PKP4: variants seen among roughly 807,000 people sequenced by gnomAD.
The protein encoded by PKP4 is plakophilin 4.
Under a neutral mutation model 145.1 loss-of-function variants are expected in PKP4, and 90 were observed. The ratio of observed to expected loss-of-function variants is 0.62; its 90% CI spans 0.52 to 0.74. PKP4 has a LOEUF of 0.74. Ranked by LOEUF, PKP4 falls within the 30% of genes least tolerant of loss-of-function variation. PKP4 has a pLI of 0.00. For missense variants in PKP4, 1,340 were observed against 1,482.7 expected (o/e 0.90, Z 1.58); for synonymous variants, 563 against 577.2 (o/e 0.98, Z 0.35).
At chr2:158,650,730 G>A (rs929566005) in intron 11 of PKP4, among the ~76,000 whole-genome samples, 1 of 152,230 alleles carries the variant, frequency 6.6e-6, no homozygotes, top group African/African-American at 2.4e-5. Context: ...AGATGGTGGT[G>A]TTCCGAGCAC....
At chr2:158,500,918 T>C (rs1331852748) in intron 1 of PKP4, among the ~76,000 whole-genome samples, 1 of 152,146 alleles carries the variant, frequency 6.6e-6, no homozygotes, top group Non-Finnish European at 1.5e-5. Flanking sequence ...ATGCCCAGCC[T>C]CCCTGCTTTT....
chr2:158,578,229 C>A, intron 3 of PKP4: 1 of 234,560 alleles, frequency 4.3e-6, no homozygotes, highest in Non-Finnish European at 9.3e-6. Context: ...TCTGTTGTTT[C>A]TGATTGTTGG....
At chr2:158,653,845 A>G (rs1459719728) in intron 11 of PKP4, among the ~76,000 whole-genome samples, 2 of 152,218 alleles carry the variant, frequency 1.3e-5, no homozygotes, top group Non-Finnish European at 2.9e-5. Flanking sequence ...CAGTCTTACT[A>G]CATCTGGGAG....
chr2:158,476,279 A>G (rs1330557817), intron 1 of PKP4, among the ~76,000 whole-genome samples: 1 of 152,140 alleles, frequency 6.6e-6, no homozygotes, highest in African/African-American at 2.4e-5. Context: ...GGGATGTCAT[A>G]TGATTCCTTT....
At chr2:158,488,229 G>A (rs1694453887) in intron 1 of PKP4, among the ~76,000 whole-genome samples, 1 of 152,188 alleles carries the variant, frequency 6.6e-6, no homozygotes, top group Admixed American at 6.5e-5. Context: ...GGTAGTGTAT[G>A]AAAGTTTAAC....
chr2:158,487,854 G>T lies in PKP4; in HGVS notation c.-6+30636G>T, dbSNP rs529033534. ...GAGGAAGGAAAAAGATTTGACAAGG[G>T]AATGTGTTTTTTAAGAGAAGCTCTT... On this transcript the variant is annotated intron_variant, in intron 1 of 21. Coordinates refer to ENST00000389759, the MANE Select transcript of PKP4 (RefSeq NM_003628.6). Among the ~76,000 whole-genome samples, 9 of 152,042 alleles carry T rather than the reference G, an allele frequency of 5.9e-5. No individual in the cohort carries two copies. In the East Asian group the frequency reaches 1.7e-3, roughly 29 times the overall value.
intron 4 of PKP4, among the ~76,000 whole-genome samples, chr2:158,617,257 A>T (rs1260775605): frequency 6.6e-6 from 1 of 152,174 alleles, no homozygotes; most frequent in African/African-American, 2.4e-5. Flanking sequence ...ATTTTCGAAG[A>T]TGCTAATTTG....
chr2:158,619,964 C>T (rs2052042235), intron 4 of PKP4, among the ~76,000 whole-genome samples: 1 of 151,996 alleles, frequency 6.6e-6, no homozygotes, highest in South Asian at 2.1e-4. Flanking sequence ...CACCCCTTAC[C>T]TTCTCTCATA....
chr2:158,481,281 T>C (rs567137249), intron 1 of PKP4, among the ~76,000 whole-genome samples: 50 of 152,196 alleles, frequency 3.3e-4, no homozygotes, highest in Non-Finnish European at 6.6e-4. Flanking sequence ...CATTTGTTTA[T>C]CCATTCATCA....
At chr2:158,651,269 C>T (rs1387780466) in intron 11 of PKP4, among the ~76,000 whole-genome samples, 1 of 152,116 alleles carries the variant, frequency 6.6e-6, no homozygotes, top group East Asian at 1.9e-4. Context: ...TTTCTGTTAA[C>T]AGTGCCATAT....
chr2:158,477,761 C>T (rs959930875), intron 1 of PKP4, among the ~76,000 whole-genome samples: 3 of 152,172 alleles, frequency 2.0e-5, no homozygotes, highest in African/African-American at 7.2e-5. Flanking sequence ...AGGAATATTA[C>T]TTGAACTCAG....
chr2:158,568,187 A>G (rs2047149391), intron 2 of PKP4, among the ~76,000 whole-genome samples: 1 of 152,044 alleles, frequency 6.6e-6, no homozygotes, highest in Non-Finnish European at 1.5e-5. Flanking sequence ...TACAAAAAAT[A>G]TATAGCTGGG....
At chr2:158,538,789 A>C (rs189585404) in intron 2 of PKP4, among the ~76,000 whole-genome samples, 1 of 152,012 alleles carries the variant, frequency 6.6e-6, no homozygotes, top group Non-Finnish European at 1.5e-5. Flanking sequence ...TGATCTGCCC[A>C]CCTTGGCCTC....
At chr2:158,519,789 A>G (rs2042212275) in intron 1 of PKP4, among the ~76,000 whole-genome samples, 1 of 152,162 alleles carries the variant, frequency 6.6e-6, no homozygotes, top group South Asian at 2.1e-4. Flanking sequence ...AGAAAAGTTG[A>G]AATTTATGCT....
intron 2 of PKP4, among the ~76,000 whole-genome samples, chr2:158,550,600 A>C (rs553510921): frequency 1.3e-4 from 20 of 152,254 alleles, no homozygotes; most frequent in Non-Finnish European, 2.4e-4. Flanking sequence ...GCAACTTGGG[A>C]TCATGTTAAT....
chr2:158,536,880 A>G (rs1043497381), intron 2 of PKP4, among the ~76,000 whole-genome samples: 7 of 152,152 alleles, frequency 4.6e-5, no homozygotes, highest in Non-Finnish European at 4.4e-5. Context: ...CTCTTTTAGC[A>G]CTTTATACTA....
intron 1 of PKP4, among the ~76,000 whole-genome samples, chr2:158,510,035 T>C (rs151188814): frequency 6.6e-6 from 1 of 152,046 alleles, no homozygotes; most frequent in Non-Finnish European, 1.5e-5. Context: ...TTCCTTGACT[T>C]GTGGTTATTT....
intron 20 of PKP4, among the ~76,000 whole-genome samples, chr2:158,677,897 A>G (rs2106029338): frequency 6.6e-6 from 1 of 152,264 alleles, no homozygotes; most frequent in Non-Finnish European, 1.5e-5. Context: ...TGCTTCAATA[A>G]ACTAATTTGC....
chr2:158,565,551 C>T (rs559528381), intron 2 of PKP4, among the ~76,000 whole-genome samples: 44 of 147,238 alleles, frequency 3.0e-4, no homozygotes, highest in African/African-American at 1.0e-3. Context: ...ATAAGGGTAA[C>T]GAAAAATAAA....
Sources: gnomAD v4.1 joint callset for allele counts (sites outside exome capture counted in the v4.1 genomes callset) on GRCh38, gnomAD v4.1.1 for gene constraint, MANE v1.5 for transcripts, NCBI Gene and HGNC (gene_info 2026-07-23, HGNC 2026-07-21) for gene names.